Variants in SAMD9 observed in about 807,000 individuals in gnomAD.
The protein encoded by SAMD9 is sterile alpha motif domain containing 9, also known as sterile alpha motif domain-containing protein 9.
A neutral mutation model predicts 1.5 loss-of-function variants in SAMD9; 3 were observed. The observed-to-expected ratio is 2.05, with a 90% CI of 0.93 to 5.29. The LOEUF (loss-of-function observed/expected upper bound fraction) is 5.29. Among genes scored for constraint, SAMD9 ranks in the 30% most tolerant of loss-of-function variants. SAMD9 has a pLI of 0.02. For synonymous variants in SAMD9, 635 were observed against 631.9 expected (o/e 1.00, Z -0.07); for missense variants, 1,597 against 1,820.8 (o/e 0.88, Z 2.24).
In SAMD9 at chr7:93,100,247, T is replaced by G. The variant is rs1791505199; in HGVS notation, c.*1081A>C. 1 of 152,146 alleles carries G rather than the reference T, an allele frequency of 6.6e-6. No individual in the cohort carries two copies. Among genetic ancestry groups the G allele is most frequent in the Admixed American group, 6.5e-5 (1 of 15,270 alleles). The allele number at this position is 152,146 out of a possible 1,614,324, so 9.4% of individuals were successfully genotyped here. ...GATTTTTTTAAAATTTCTTTTGAAT[T>G]GCAAATAAGATCCAGAGACCTGATC... On this transcript the variant is annotated 3_prime_UTR_variant, in exon 3 of 3. Transcript: ENST00000379958.
At position 93,105,639 on chromosome 7, in the gene SAMD9, C is replaced by T; in HGVS notation, c.459G>A (p.Arg153=). Residue 153 remains arginine, a synonymous_variant, in exon 3 of 3, where the codon AGG becomes AGA. Coordinates refer to ENST00000379958, the MANE Select transcript of SAMD9 (RefSeq NM_017654.4). ...IEDKIDYTKE[R]QPSIDLTCVS... ...CACATGTCAGGTCTATGGATGGTTGCCTTTCCTTTGTATAATCTATTTTAT... is the reference window on the plus strand; with the variant it reads ...CACATGTCAGGTCTATGGATGGTTGTCTTTCCTTTGTATAATCTATTTTAT... 5.6e-6 allele frequency: 9 copies of T among 1,614,060 alleles called. No individual in the cohort carries two copies. Among genetic ancestry groups the T allele is most frequent in the Non-Finnish European group, 7.6e-6 (9 of 1,179,986 alleles).
In SAMD9 at chr7:93,102,286, A is replaced by G. The variant is rs201873378; in HGVS notation, c.3812T>C (p.Phe1271Ser). The stretch of plus-strand genomic sequence containing the variant: ...TTTTAGCAGGACAAAGTATTCATCA[A>G]AAAAATCAAAGGACTTTTTCAAAGA... ...KFSLKKSFDFFDEYFVLLKPR... is the reference protein window; with the variant it reads ...KFSLKKSFDFSDEYFVLLKPR... Residue 1271 changes from phenylalanine (F) to serine (S), a missense_variant, in exon 3 of 3, where the codon TTT becomes TCT. This residue lies in a region of SAMD9 where 682 missense variants were observed against 810.0 expected (regional missense o/e 0.84). Coordinates refer to ENST00000379958, the MANE Select transcript of SAMD9 (RefSeq NM_017654.4). The G allele has an allele frequency of 4.4e-4, 712 of 1,612,544 alleles. 8 individuals carry two copies. In the South Asian group the frequency reaches 7.2e-3, roughly 16 times the overall value.
chr7:93,111,397 C>G (rs1791741079), intron 2 of SAMD9, among the ~76,000 whole-genome samples: 1 of 151,970 alleles, frequency 6.6e-6, no homozygotes, highest in Admixed American at 6.6e-5. Flanking sequence ...ATTAAAAGAA[C>G]TAGAGAAGCA....
chr7:93,105,443 C>G lies in SAMD9; in HGVS notation c.655G>C (p.Val219Leu), dbSNP rs1791621254. 1.2e-6 allele frequency: 2 copies of G among 1,614,006 alleles called. No homozygotes were observed. The highest frequency in any genetic ancestry group is 1.7e-6 in the Non-Finnish European group (2 of 1,179,978). ...EDVKMKFSNEVFRFASACMNS... is the reference protein window; with the variant it reads ...EDVKMKFSNELFRFASACMNS... Reference sequence around the variant, plus strand: ...ATACAAGCTGAAGCAAATCGGAAAACCTCATTGCTAAATTTCATCTTGACA... The same window carrying G: ...ATACAAGCTGAAGCAAATCGGAAAAGCTCATTGCTAAATTTCATCTTGACA... Residue 219 changes from valine to leucine, a missense_variant, in exon 3 of 3, where the codon GTT (valine) becomes CTT (leucine). Coordinates refer to ENST00000379958, the MANE Select transcript of SAMD9 (RefSeq NM_017654.4).
Position 93,105,823 on chromosome 7 carries a change from C to A in SAMD9, c.275G>T (p.Ser92Ile), listed in dbSNP as rs1342149733. ...AGTTTGGTCTTTAGGAGCATTTTTACTGGGCTTTCCCATCTTAGATGTCTG... is the reference window on the plus strand; with the variant it reads ...AGTTTGGTCTTTAGGAGCATTTTTAATGGGCTTTCCCATCTTAGATGTCTG... ...SIQTSKMGKP[S>I]KNAPKDQTVS... Residue 92 changes from serine (S) to isoleucine (I), a missense_variant, in exon 3 of 3, where the codon AGT (serine) becomes ATT (isoleucine). Physicochemically the swap from Ser to Ile is moderately radical, Grantham distance 142. This residue lies in a region of SAMD9 where 498 missense variants were observed against 457.4 expected (regional missense o/e 1.09). Transcript: ENST00000379958. The A allele has an allele frequency of 1.2e-6, 2 of 1,614,034 alleles. No homozygotes were observed. The highest frequency in any genetic ancestry group is 2.7e-5 in the African/African-American group (2 of 74,944).
rs773839015 is a variant in SAMD9 at position 93,103,211 on chromosome 7, A to G, written c.2887T>C (p.Tyr963His). 1.2e-6 allele frequency: 2 copies of G among 1,613,834 alleles called. No homozygotes were observed. The highest frequency in any genetic ancestry group is 2.7e-5 in the African/African-American group (2 of 75,032). The change falls in exon 3 of 3, where the codon TAC becomes CAC. Residue 963 changes from tyrosine to histidine, a missense_variant. This residue lies in a region of SAMD9 where 682 missense variants were observed against 810.0 expected (regional missense o/e 0.84). Transcript: ENST00000379958. ...TCTGTTTTTATCAGAATTGTAGAGT[A>G]GGTGCCCATCTTGTCTTCAAATTTT... ...TEKFEDKMGTYSTILIKTEVI... is the reference protein window; with the variant it reads ...TEKFEDKMGTHSTILIKTEVI...
intron 1 of SAMD9, 104 bp from the exon 2 acceptor site, chr7:93,114,999 T>G (rs1189135509): frequency 6.6e-6 from 1 of 152,162 alleles, no homozygotes; most frequent in African/African-American, 2.4e-5. Context: ...AAGATCCCTG[T>G]CTATGTAAGC....
Position 93,107,564 on chromosome 7 carries a change from T to C in SAMD9, c.-8-1459A>G, listed in dbSNP as rs550455134. ...TAATGAACTAAACTTTCATTTATCA[T>C]GGGAGACATCAAATTAAATAATGGA... On this transcript the variant is annotated intron_variant, in intron 2 of 2. Transcript: ENST00000379958. Among the ~76,000 whole-genome samples the C allele has an allele frequency of 8.5e-5, 13 of 152,310 alleles. No homozygotes were observed. The South Asian group carries it at 2.5e-3, about 29-fold the overall frequency.
chr7:93,101,938 T>G lies in SAMD9; in HGVS notation c.4160A>C (p.Asn1387Thr). ...GAGAATAATGTTGGCCAAGATGAAA[T>G]TTAGCTTTTCTTTTGACTGGATTTT... ...TVKIQSKEKL[N>T]FILANIILSC... Residue 1387 changes from asparagine to threonine, a missense_variant, in exon 3 of 3, where the codon AAT becomes ACT. Asn to Thr is a moderately conservative substitution (Grantham distance 65, BLOSUM62 0). Coordinates refer to ENST00000379958, the MANE Select transcript of SAMD9 (RefSeq NM_017654.4). The G allele has an allele frequency of 3.7e-6, 6 of 1,613,862 alleles. No individual in the cohort carries two copies. The highest frequency in any genetic ancestry group is 5.1e-6 in the Non-Finnish European group (6 of 1,179,786).
Position 93,105,073 on chromosome 7 carries a change from A to G in SAMD9, c.1025T>C (p.Phe342Ser), listed in dbSNP as rs769654702. The change falls in exon 3 of 3, where the codon TTT becomes TCT. Residue 342 changes from phenylalanine (F) to serine (S), a missense_variant. Phe to Ser is a radical substitution (Grantham distance 155, BLOSUM62 -2). This residue lies in a region of SAMD9 where 498 missense variants were observed against 457.4 expected (regional missense o/e 1.09). Transcript: ENST00000379958. ...CTTAGAGCTGGTCCCATCTCGCACA[A>G]ATAGTGAGAATTTTTTACTTTGTTC... is the stretch of plus-strand genomic sequence containing the variant. ...IWEQSKKFSLFVRDGTSSKDI... is the reference protein window; with the variant it reads ...IWEQSKKFSLSVRDGTSSKDI... 2.2e-5 allele frequency: 35 copies of G among 1,613,860 alleles called. 1 individual carries two copies. Among genetic ancestry groups the G allele is most frequent in the Non-Finnish European group, 2.9e-5 (34 of 1,179,966 alleles).
chr7:93,110,985 C>T (rs1044330705), intron 2 of SAMD9, among the ~76,000 whole-genome samples: 4 of 152,230 alleles, frequency 2.6e-5, no homozygotes, highest in Non-Finnish European at 4.4e-5. Flanking sequence ...CTCTCCATCC[C>T]AAATCAACAG....
At chr7:93,112,135 G>A (rs905483712) in intron 2 of SAMD9, among the ~76,000 whole-genome samples, 1 of 152,198 alleles carries the variant, frequency 6.6e-6, no homozygotes, top group African/African-American at 2.4e-5. Context: ...TCACTGGGAT[G>A]CAAGGCTGGT....
chr7:93,106,129 AT>A, intron 2 of SAMD9, 24 bp from the exon 3 acceptor site: 2 of 1,467,422 alleles, frequency 1.4e-6, no homozygotes, highest in Non-Finnish European at 1.8e-6. Flanking sequence ...AAGAAAAATT[AT>A]TTAGTATTAT....
chr7:93,108,757 G>A (rs547543548), intron 2 of SAMD9, among the ~76,000 whole-genome samples: 7 of 152,298 alleles, frequency 4.6e-5, no homozygotes, highest in African/African-American at 1.4e-4. Flanking sequence ...TGGGGGAGGG[G>A]CGTCCACCAT....
rs1443571652 is a variant in SAMD9 at position 93,102,195 on chromosome 7, C to T, written c.3903G>A (p.Lys1301=). The T allele has an allele frequency of 6.2e-7, 1 of 1,613,558 alleles. No homozygotes were observed. The highest frequency in any genetic ancestry group is 1.3e-5 in the African/African-American group (1 of 74,890). The change falls in exon 3 of 3, where the codon AAG becomes AAA. Residue 1301 remains lysine, a synonymous_variant. Coordinates refer to ENST00000379958, the MANE Select transcript of SAMD9 (RefSeq NM_017654.4). ...AGAGACAAAATATATCTACATATTTCTTAAAATATCCAGCCACCTTTCTCC... is the reference window on the plus strand; with the variant it reads ...AGAGACAAAATATATCTACATATTTTTTAAAATATCCAGCCACCTTTCTCC... ...KTRRKVAGYF[K]KYVDIFCLLE... is the part of the protein sequence containing the mutation.
At chr7:93,108,651 A>G (rs1387817397) in intron 2 of SAMD9, among the ~76,000 whole-genome samples, 1 of 152,196 alleles carries the variant, frequency 6.6e-6, no homozygotes, top group Non-Finnish European at 1.5e-5. Flanking sequence ...CCAGAAGATT[A>G]TATTCTGCGC....
In SAMD9 at chr7:93,105,039, C is replaced by G. The variant is rs145911444; in HGVS notation, c.1059G>C (p.Thr353=). The change falls in exon 3 of 3, where the codon ACG becomes ACC. Residue 353 remains threonine (T), a synonymous_variant. Coordinates refer to ENST00000379958, the MANE Select transcript of SAMD9 (RefSeq NM_017654.4). ...ATGCTCTGAAATCAACTTTATTTTTCGTAATGTCCTTAGAGCTGGTCCCAT... is the reference window on the plus strand; with the variant it reads ...ATGCTCTGAAATCAACTTTATTTTTGGTAATGTCCTTAGAGCTGGTCCCAT... The part of the protein sequence containing the change: ...VRDGTSSKDI[T]KNKVDFRAFK... 3.7e-6 allele frequency: 6 copies of G among 1,613,694 alleles called. No individual in the cohort carries two copies. The highest frequency in any genetic ancestry group is 1.3e-5 in the African/African-American group (1 of 74,882).
chr7:93,107,413 ATTTGCAG>A (rs1348318610), intron 2 of SAMD9, among the ~76,000 whole-genome samples: 1 of 152,188 alleles, frequency 6.6e-6, no homozygotes, highest in African/African-American at 2.4e-5. Flanking sequence ...TAGTTTGCAA[ATTTGCAG>A]ACTACTATCT....
Position 93,104,814 on chromosome 7 carries a change from T to TA in SAMD9, c.1283dup (p.Leu428PhefsTer8), listed in dbSNP as rs771762417. The TA allele has an allele frequency of 1.9e-6, 3 of 1,613,482 alleles. No homozygotes were observed. The highest frequency in any genetic ancestry group is 2.5e-6 in the Non-Finnish European group (3 of 1,179,756). ...ACCATTTAATTTCCTTCAGGAAATC[T>TA]AAGTGTTTTGTTTGATCTGGGTGGC... On this transcript the variant is annotated frameshift_variant, in exon 3 of 3. Transcript: ENST00000379958. LOFTEE classifies it low-confidence loss of function (END_TRUNC).
Sources: allele counts gnomAD v4.1 joint callset (sites outside exome capture counted in the v4.1 genomes callset), GRCh38; gene constraint gnomAD v4.1.1; regional missense constraint gnomAD v4.1.1; transcripts MANE v1.5; gene names NCBI Gene and HGNC (gene_info 2026-07-23, HGNC 2026-07-21).